SLC25A32: variants seen among roughly 807,000 people sequenced by gnomAD.
SLC25A32 encodes Glycine auxotroph B, complementation of hamster.
A neutral mutation model predicts 39.0 loss-of-function variants in SLC25A32; 32 were observed. The ratio of observed to expected loss-of-function variants is 0.82; its 90% CI spans 0.62 to 1.10. SLC25A32 has a LOEUF of 1.10. SLC25A32 is among the 50% of genes least tolerant of loss of function. SLC25A32 has a pLI of 0.00. For synonymous variants in SLC25A32, 166 were observed against 152.4 expected, an observed-to-expected ratio of 1.09 and a Z score of -0.66; for missense variants, 367 against 395.3, an observed-to-expected ratio of 0.93 and a Z score of 0.61.
chr8:103,401,362 T>C lies in SLC25A32; in HGVS notation c.812+154A>G, dbSNP rs1179178241. The C allele has an allele frequency of 8.9e-6, 5 of 563,930 alleles. No homozygotes were observed. In the South Asian group the frequency reaches 1.3e-4, roughly 15 times the overall value. The allele number at this position is 563,930 out of a possible 1,614,324, so 34.9% of individuals were successfully genotyped here. A position where few individuals can be genotyped will look rare whatever the true frequency, so the allele number is the denominator to read the frequency against. The stretch of plus-strand genomic sequence containing the variant: ...TTAAGTCTCAGAGAGATTAAGGCCA[T>C]GGTCACATACGTAATAACTGGGAAA... On this transcript the variant is annotated intron_variant, in intron 6 of 6. Transcript: ENST00000297578.
chr8:103,409,556 T>G (rs928983317), intron 1 of SLC25A32, among the ~76,000 whole-genome samples: 1 of 152,182 alleles, frequency 6.6e-6, no homozygotes, highest in Non-Finnish European at 1.5e-5. Context: ...TATGGGTCAA[T>G]GGGTATAAAC....
chr8:103,412,874 A>G (rs1160877485), intron 1 of SLC25A32, among the ~76,000 whole-genome samples: 1 of 152,232 alleles, frequency 6.6e-6, no homozygotes. Context: ...TAACTTTATT[A>G]AATGAGTTTA....
chr8:103,398,747 C>A lies in SLC25A32; in HGVS notation c.*1664G>T, dbSNP rs1034762369. 9 of 152,152 alleles carry A rather than the reference C, an allele frequency of 5.9e-5. No homozygotes were observed. The highest frequency in any genetic ancestry group is 1.3e-4 in the Non-Finnish European group (9 of 68,032). The allele number at this position is 152,152 out of a possible 1,614,324, so 9.4% of individuals were successfully genotyped here. A position where few individuals can be genotyped will look rare whatever the true frequency, so the allele number is the denominator to read the frequency against. On this transcript the variant is annotated 3_prime_UTR_variant, in exon 7 of 7. Coordinates refer to ENST00000297578, the MANE Select transcript of SLC25A32 (RefSeq NM_030780.5). The stretch of plus-strand genomic sequence containing the variant: ...AAATATCAACTGCAGTTCACTTTTT[C>A]CGTGTGGGGACTAATATCAAGATTT...
chr8:103,408,946 G>T (rs1281298024), intron 1 of SLC25A32, among the ~76,000 whole-genome samples: 3 of 152,184 alleles, frequency 2.0e-5, no homozygotes, highest in Non-Finnish European at 4.4e-5. Context: ...ATTTAAAGTA[G>T]TCTTCTTGCT....
chr8:103,414,640 T>C, intron 1 of SLC25A32, 144 bp downstream of exon 1: 7 of 1,176,860 alleles, frequency 5.9e-6, no homozygotes, highest in Non-Finnish European at 8.3e-6. Flanking sequence ...AAGCACCATT[T>C]CCTCAAATCT....
rs1182584102 is a variant in SLC25A32 at position 103,407,752 on chromosome 8, T to C, written c.187A>G (p.Asn63Asp). ...SDGLELRPKY[N>D]GILHCLTTIW... Reference sequence around the variant, plus strand: ...GTAGTCAAGCAATGTAAAATTCCATTATATTTCGGTCTCAGTTCCAATCCA... The same window carrying C: ...GTAGTCAAGCAATGTAAAATTCCATCATATTTCGGTCTCAGTTCCAATCCA... Residue 63 changes from asparagine (N) to aspartate (D), a missense_variant, in exon 2 of 7, where the codon AAT becomes GAT. Coordinates refer to ENST00000297578, the MANE Select transcript of SLC25A32 (RefSeq NM_030780.5). 1 of 1,613,284 alleles carries C rather than the reference T, an allele frequency of 6.2e-7. No homozygotes were observed.
chr8:103,413,382 G>C (rs1484253386), intron 1 of SLC25A32, among the ~76,000 whole-genome samples: 1 of 152,182 alleles, frequency 6.6e-6, no homozygotes, highest in Non-Finnish European at 1.5e-5. Context: ...GAGGTAATAC[G>C]GTGAGGGGTT....
At position 103,399,605 on chromosome 8, in the gene SLC25A32, A is replaced by T. The variant is rs919163113; in HGVS notation, c.*806T>A. 3 of 152,200 alleles carry T rather than the reference A, an allele frequency of 2.0e-5. No homozygotes were observed. The highest frequency in any genetic ancestry group is 4.8e-5 in the African/African-American group (2 of 41,436). 9.4% of individuals were successfully genotyped at this position (152,200 alleles called of 1,614,324 possible). A position where few individuals can be genotyped will look rare whatever the true frequency, so the allele number is the denominator to read the frequency against. On this transcript the variant is annotated 3_prime_UTR_variant, in exon 7 of 7. Transcript: ENST00000297578. Reference sequence around the variant, plus strand: ...GCATTTTTTCTCACTAAAATTTCCCAATTCTAAAATGGTCTGGCCAGGCGC... The same window carrying T: ...GCATTTTTTCTCACTAAAATTTCCCTATTCTAAAATGGTCTGGCCAGGCGC...
Position 103,403,409 on chromosome 8 carries a change from TA to T in SLC25A32, c.392-86del, listed in dbSNP as rs11447002. The stretch of plus-strand genomic sequence containing the variant: ...CCAAATTAGAAACAGTACATTTATG[TA>T]AAAAAAAAAAAAAAAAAAAAGATAA... On this transcript the variant is annotated intron_variant, in intron 3 of 6. Coordinates refer to ENST00000297578, the MANE Select transcript of SLC25A32 (RefSeq NM_030780.5). 23,489 of 248,874 alleles carry T rather than the reference TA, an allele frequency of 0.094. 8 individuals carry two copies. The highest frequency in any genetic ancestry group is 0.14 in the East Asian group (2,213 of 15,706). 15.4% of individuals were successfully genotyped at this position (248,874 alleles called of 1,614,324 possible).
At chr8:103,403,603 G>C (rs1816265974) in intron 3 of SLC25A32, among the ~76,000 whole-genome samples, 1 of 152,100 alleles carries the variant, frequency 6.6e-6, no homozygotes, top group Admixed American at 6.5e-5. Context: ...GAAGTGTAAG[G>C]ATAGCAAAAA....
intron 1 of SLC25A32, among the ~76,000 whole-genome samples, chr8:103,408,543 G>A (rs758371430): frequency 5.3e-5 from 8 of 151,044 alleles, no homozygotes; most frequent in Non-Finnish European, 8.8e-5. Flanking sequence ...ACTGAGGAGT[G>A]GCAGGAAAGA....
chr8:103,406,048 G>GGT (rs1816323026), intron 2 of SLC25A32, among the ~76,000 whole-genome samples: 1 of 135,834 alleles, frequency 7.4e-6, no homozygotes, highest in African/African-American at 2.9e-5. Context: ...TCAAATTCAT[G>GGT]ATGTGTGTGT....
rs1286496622 is a variant in SLC25A32 at position 103,400,137 on chromosome 8, C to T, written c.*274G>A. 2.3e-5 allele frequency: 9 copies of T among 394,338 alleles called. No homozygotes were observed. Among genetic ancestry groups the T allele is most frequent in the South Asian group, 3.5e-5 (1 of 28,900 alleles). The allele number at this position is 394,338 out of a possible 1,614,324, so 24.4% of individuals were successfully genotyped here. On this transcript the variant is annotated 3_prime_UTR_variant, in exon 7 of 7. Transcript: ENST00000297578. ...TGCAAATCAGCTTCCACCAATAAAA[C>T]GTAGAAATCTGTGAAACTCTATCCT...
intron 3 of SLC25A32, 63 bp downstream of exon 3, chr8:103,404,712 CA>C (rs1255593000): frequency 2.0e-5 from 24 of 1,215,462 alleles, no homozygotes; most frequent in Non-Finnish European, 2.7e-5. Flanking sequence ...GAAAAGAAAT[CA>C]AAAACCAAAA....
At position 103,407,978 on chromosome 8, in the gene SLC25A32, T is replaced by A. The variant is rs959099998; in HGVS notation, c.155-194A>T. Among the ~76,000 whole-genome samples, 11 of 145,702 alleles carry A rather than the reference T, an allele frequency of 7.5e-5. No homozygotes were observed. The East Asian group carries it at 2.2e-3, about 29-fold the overall frequency. The stretch of plus-strand genomic sequence containing the variant: ...ATATAAATATATATATATATAAATA[T>A]GTAAAATATACATTTTTGTGTCAGA... On this transcript the variant is annotated intron_variant, in intron 1 of 6. Coordinates refer to ENST00000297578, the MANE Select transcript of SLC25A32 (RefSeq NM_030780.5).
intron 2 of SLC25A32, among the ~76,000 whole-genome samples, chr8:103,406,048 G>GAT (rs1461754425): frequency 2.2e-5 from 3 of 135,742 alleles, no homozygotes; most frequent in Admixed American, 1.5e-4. Context: ...TCAAATTCAT[G>GAT]ATGTGTGTGT....
chr8:103,412,561 T>C (rs1249252372), intron 1 of SLC25A32, among the ~76,000 whole-genome samples: 4 of 152,240 alleles, frequency 2.6e-5, no homozygotes, highest in African/African-American at 7.2e-5. Flanking sequence ...CACTGCCACA[T>C]TGCCAAACCA....
intron 2 of SLC25A32, 72 bp from the exon 3 acceptor site, chr8:103,404,933 C>A: frequency 1.0e-6 from 1 of 988,744 alleles, no homozygotes; most frequent in South Asian, 1.4e-5. Flanking sequence ...GTATGTAAGT[C>A]AACAGCAGTA....
At chr8:103,405,228 G>A (rs558593425) in intron 2 of SLC25A32, among the ~76,000 whole-genome samples, 4 of 152,244 alleles carry the variant, frequency 2.6e-5, no homozygotes, top group Non-Finnish European at 5.9e-5. Context: ...GAGCACCTAC[G>A]TTCAGGTACT....
Sources: allele counts gnomAD v4.1 joint callset (sites outside exome capture counted in the v4.1 genomes callset), GRCh38; gene constraint gnomAD v4.1.1; transcripts MANE v1.5; gene names NCBI Gene and HGNC (gene_info 2026-07-23, HGNC 2026-07-21).